VSTM4: variants seen among roughly 807,000 people sequenced by gnomAD.
The protein encoded by VSTM4 is V-set and transmembrane domain containing 4, also known as V-set and transmembrane domain-containing protein 4.
A neutral mutation model predicts 36.4 loss-of-function variants in VSTM4; 20 were observed. That is an observed-to-expected ratio of 0.55 (90% confidence interval 0.39 to 0.80). The LOEUF is 0.80. Ranked by LOEUF, VSTM4 falls within the 30% of genes least tolerant of loss-of-function variation. The probability of loss-of-function intolerance (pLI) is 0.00; values close to 1 mark genes in which losing one functional copy is unlikely to be tolerated. For missense variants in VSTM4, 392 were observed against 404.5 expected (o/e 0.97, Z 0.26); for synonymous variants, 182 against 173.9 (o/e 1.05, Z -0.37).
intron 2 of VSTM4, among the ~76,000 whole-genome samples, chr10:49,088,875 T>C (rs552316222): frequency 9.4e-4 from 143 of 152,280 alleles, no homozygotes; most frequent in South Asian, 3.9e-3. Context: ...AGGATACCCA[T>C]CATGGTGTGG....
At chr10:49,060,979 T>C (rs978916744) in intron 5 of VSTM4, among the ~76,000 whole-genome samples, 2 of 152,202 alleles carry the variant, frequency 1.3e-5, no homozygotes, top group African/African-American at 4.8e-5. Flanking sequence ...GCCATAAATA[T>C]AAGGATTTAT....
Position 49,077,259 on chromosome 10 carries a change from G to T in VSTM4, c.594C>A (p.Val198=). 1 of 1,614,140 alleles carries T rather than the reference G, an allele frequency of 6.2e-7. No homozygotes were observed. The highest frequency in any genetic ancestry group is 1.1e-5 in the South Asian group (1 of 91,060). The change falls in exon 4 of 8, where the codon GTC becomes GTA. Residue 198 remains valine, a synonymous_variant. Coordinates refer to ENST00000332853, the MANE Select transcript of VSTM4 (RefSeq NM_001031746.5). ...TGTTAAACACAGACTGCCAGACGAT[G>T]ACCAGCATGAAGAGCAGAATGCTGA... The part of the protein sequence containing the change: ...GILSILLFML[V]IVWQSVFNKR...
intron 7 of VSTM4, among the ~76,000 whole-genome samples, chr10:49,037,518 T>G (rs79341982): frequency 6.6e-6 from 1 of 152,302 alleles, no homozygotes; most frequent in East Asian, 1.9e-4. Context: ...TCCATATACA[T>G]TGGCCAAAGG....
In VSTM4 at chr10:49,050,959, C is replaced by A. The variant is rs567219837; in HGVS notation, c.669-2375G>T. Among the ~76,000 whole-genome samples, 8 of 152,242 alleles carry A rather than the reference C, an allele frequency of 5.3e-5. No individual in the cohort carries two copies. The South Asian group carries it at 1.0e-3, about 20-fold the overall frequency. Reference sequence around the variant, plus strand: ...AGTGGAAGATAGATTTCCCTTATAGCCCCCACCTCCACACATGCACAGCCT... The same window carrying A: ...AGTGGAAGATAGATTTCCCTTATAGACCCCACCTCCACACATGCACAGCCT... On this transcript the variant is annotated intron_variant, in intron 5 of 7. Coordinates refer to ENST00000332853, the MANE Select transcript of VSTM4 (RefSeq NM_001031746.5).
intron 4 of VSTM4, among the ~76,000 whole-genome samples, chr10:49,069,493 A>C (rs1335032918): frequency 1.3e-5 from 2 of 152,204 alleles, no homozygotes; most frequent in East Asian, 3.8e-4. Context: ...ACAGGCTGGG[A>C]GCCCTGCAGC....
intron 7 of VSTM4, among the ~76,000 whole-genome samples, chr10:49,023,819 A>C (rs1843216504): frequency 6.6e-6 from 1 of 152,188 alleles, no homozygotes; most frequent in African/African-American, 2.4e-5. Flanking sequence ...GTGTTAGTAC[A>C]AATTGTGGAA....
At chr10:49,071,247 C>T (rs1197598914) in intron 4 of VSTM4, among the ~76,000 whole-genome samples, 1 of 152,234 alleles carries the variant, frequency 6.6e-6, no homozygotes, top group Non-Finnish European at 1.5e-5. Context: ...TTTAAAAGCT[C>T]AGACACAGAA....
chr10:49,077,281 C>G lies in VSTM4; in HGVS notation c.572G>C (p.Ser191Thr), dbSNP rs905341573. ...GATGACCAGCATGAAGAGCAGAATG[C>G]TGAGGATCCCCACGCAGCACACGAG... ...AVLVCCVGIL[S>T]ILLFMLVIVW... Residue 191 changes from serine (S) to threonine (T), a missense_variant, in exon 4 of 8, where the codon AGC (serine) becomes ACC (threonine). By Grantham distance (58) the Ser-to-Thr change is moderately conservative (BLOSUM62 1). Coordinates refer to ENST00000332853, the MANE Select transcript of VSTM4 (RefSeq NM_001031746.5). 6.2e-7 allele frequency: 1 copy of G among 1,614,100 alleles called. No homozygotes were observed. Among genetic ancestry groups the G allele is most frequent in the Non-Finnish European group, 8.5e-7 (1 of 1,180,048 alleles).
intron 7 of VSTM4, among the ~76,000 whole-genome samples, chr10:49,039,422 C>T (rs970236859): frequency 2.6e-5 from 4 of 152,248 alleles, no homozygotes; most frequent in African/African-American, 7.2e-5. Flanking sequence ...AAAAATCCCC[C>T]GGTAGCCACG....
chr10:49,048,642 G>GAAA (rs367646384), intron 5 of VSTM4, 58 bp from the exon 6 acceptor site: 4 of 1,162,616 alleles, frequency 3.4e-6, no homozygotes, highest in Non-Finnish European at 2.3e-6. Flanking sequence ...AAAGAGAAAG[G>GAAA]AAAAAAAAAA....
chr10:49,054,348 G>A (rs563048354), intron 5 of VSTM4, among the ~76,000 whole-genome samples: 4 of 152,260 alleles, frequency 2.6e-5, no homozygotes, highest in South Asian at 4.1e-4. Context: ...TAGATTCAGC[G>A]TGGGGAACCC....
chr10:49,050,631 C>T (rs1194004596), intron 5 of VSTM4, among the ~76,000 whole-genome samples: 1 of 152,162 alleles, frequency 6.6e-6, no homozygotes, highest in Non-Finnish European at 1.5e-5. Flanking sequence ...ATTTACAAAA[C>T]TTTGACCAAC....
intron 3 of VSTM4, among the ~76,000 whole-genome samples, chr10:49,080,440 G>T (rs1844258679): frequency 6.6e-6 from 1 of 152,258 alleles, no homozygotes; most frequent in African/African-American, 2.4e-5. Flanking sequence ...GAGTCTATGA[G>T]ATCTTCCTGT....
At chr10:49,036,665 T>C (rs191644431) in intron 7 of VSTM4, among the ~76,000 whole-genome samples, 35 of 152,358 alleles carry the variant, frequency 2.3e-4, no homozygotes, top group Admixed American at 1.6e-3. Context: ...CAAAGTCCTT[T>C]TCTGCTACTG....
At chr10:49,057,958 G>T (rs887301473) in intron 5 of VSTM4, among the ~76,000 whole-genome samples, 10 of 152,202 alleles carry the variant, frequency 6.6e-5, no homozygotes, top group Non-Finnish European at 1.2e-4. Context: ...AAAAGCCCCT[G>T]AAAGAACTGA....
intron 7 of VSTM4, among the ~76,000 whole-genome samples, chr10:49,038,698 G>A (rs765703159): frequency 1.8e-4 from 27 of 152,178 alleles, no homozygotes; most frequent in African/African-American, 2.4e-4. Flanking sequence ...CATGAGCTCC[G>A]TGTGTGCTTA....
rs546336888 is a variant in VSTM4 at position 49,082,970 on chromosome 10, A to T, written c.526+2985T>A. Among the ~76,000 whole-genome samples the T allele has an allele frequency of 2.0e-5, 3 of 152,242 alleles. No individual in the cohort carries two copies. In the East Asian group the frequency reaches 5.8e-4, roughly 30 times the overall value. On this transcript the variant is annotated intron_variant, in intron 3 of 7. Transcript: ENST00000332853. ...AGCTCCCGCCCTCCCAAACAGCCCC[A>T]CCAAGCCAGGGCCAGGCAGATGGCA...
intron 7 of VSTM4, among the ~76,000 whole-genome samples, chr10:49,045,491 T>C (rs751461417): frequency 3.9e-5 from 6 of 152,182 alleles, no homozygotes; most frequent in Non-Finnish European, 7.4e-5. Context: ...GCAAGATTAG[T>C]GGGCAAAAGT....
chr10:49,057,585 C>A (rs1224825759), intron 5 of VSTM4, among the ~76,000 whole-genome samples: 1 of 152,210 alleles, frequency 6.6e-6, no homozygotes, highest in Non-Finnish European at 1.5e-5. Context: ...AGGAACCACC[C>A]CCATCTCACA....
Sources: gnomAD v4.1 joint callset for allele counts (sites outside exome capture counted in the v4.1 genomes callset) on GRCh38, gnomAD v4.1.1 for gene constraint, MANE v1.5 for transcripts, NCBI Gene and HGNC (gene_info 2026-07-23, HGNC 2026-07-21) for gene names.